The following ENPP6 variants were observed in gnomAD, a reference collection of about 807,000 sequenced individuals.
ENPP6 encodes ectonucleotide pyrophosphatase/phosphodiesterase 6.
ENPP6 carries 32 observed loss-of-function variants against 42.0 expected under a neutral mutation model. The ratio of observed to expected loss-of-function variants is 0.76; its 90% CI spans 0.58 to 1.02. The LOEUF is 1.02. Ranked by LOEUF, ENPP6 falls within the 50% of genes least tolerant of loss-of-function variation. The probability of loss-of-function intolerance (pLI) is 0.00; values close to 1 mark genes in which losing one functional copy is unlikely to be tolerated. For missense variants in ENPP6, 552 were observed against 566.8 expected (o/e 0.97, Z 0.27); for synonymous variants, 213 against 216.0 (o/e 0.99, Z 0.12).
chr4:184,118,025 G>A (rs1736354424), intron 3 of ENPP6, 125 bp from the exon 4 acceptor site: 2 of 1,209,620 alleles, frequency 1.7e-6, no homozygotes, highest in Admixed American at 5.4e-5. Flanking sequence ...GCCAGACAAA[G>A]CCAATACCCT....
intron 1 of ENPP6, among the ~76,000 whole-genome samples, chr4:184,207,243 C>G (rs931983133): frequency 6.6e-6 from 1 of 152,216 alleles, no homozygotes; most frequent in African/African-American, 2.4e-5. Context: ...CTGGCTTCCC[C>G]GCTACTCAGA....
Position 184,145,440 on chromosome 4 carries a change from G to C in ENPP6, c.421+8114C>G, listed in dbSNP as rs531281967. ...TGAGGCAGCGCTCAATTGATTTTAA[G>C]AAGTGGTCACAACACAGCTGCAAGG... On this transcript the variant is annotated intron_variant, in intron 2 of 7. Coordinates refer to ENST00000296741, the MANE Select transcript of ENPP6 (RefSeq NM_153343.4). Among the ~76,000 whole-genome samples the C allele has an allele frequency of 5.3e-5, 8 of 152,296 alleles. No individual in the cohort carries two copies. The South Asian group carries it at 1.7e-3, about 32-fold the overall frequency.
At chr4:184,135,582 G>T (rs1192566524) in intron 2 of ENPP6, among the ~76,000 whole-genome samples, 1 of 152,152 alleles carries the variant, frequency 6.6e-6, no homozygotes, top group Non-Finnish European at 1.5e-5. Flanking sequence ...TATATTTAAT[G>T]TATGTCTTTA....
At chr4:184,192,850 C>T (rs775624888) in intron 1 of ENPP6, among the ~76,000 whole-genome samples, 25 of 152,096 alleles carry the variant, frequency 1.6e-4, no homozygotes, top group Non-Finnish European at 3.2e-4. Context: ...AAAGAAAATG[C>T]TCAACATCAT....
chr4:184,135,752 C>T (rs891468632), intron 2 of ENPP6, among the ~76,000 whole-genome samples: 1 of 152,034 alleles, frequency 6.6e-6, no homozygotes, highest in African/African-American at 2.4e-5. Flanking sequence ...GTACTGAGTA[C>T]CCACGTCAGA....
chr4:184,162,538 A>G (rs1737277903), intron 1 of ENPP6, among the ~76,000 whole-genome samples: 1 of 117,584 alleles, frequency 8.5e-6, no homozygotes, highest in Admixed American at 9.5e-5. Context: ...AAGGAAAGGG[A>G]GGGAGGGAAG....
At chr4:184,095,369 C>T (rs559452535) in intron 7 of ENPP6, among the ~76,000 whole-genome samples, 16 of 152,006 alleles carry the variant, frequency 1.1e-4, no homozygotes, top group Non-Finnish European at 2.1e-4. Flanking sequence ...TAAAATATTC[C>T]TGAGACTCGG....
At chr4:184,163,452 A>G (rs1426823072) in intron 1 of ENPP6, among the ~76,000 whole-genome samples, 3 of 152,156 alleles carry the variant, frequency 2.0e-5, no homozygotes, top group African/African-American at 7.2e-5. Flanking sequence ...CACACTCTTC[A>G]CACTTCACTT....
At position 184,089,483 on chromosome 4, in the gene ENPP6, G is replaced by T. The variant is rs28402798; in HGVS notation, c.*1694C>A. ...AACTTTTTTTTTCTTTCTATTTTTT[G>T]GGGGGGGTGGAGGATGGGGTCTTGC... On this transcript the variant is annotated 3_prime_UTR_variant, in exon 8 of 8. Transcript: ENST00000296741. 0.14 allele frequency: 5,440 copies of T among 39,440 alleles called. 308 individuals carry two copies. The highest frequency in any genetic ancestry group is 0.27 in the African/African-American group (5,095 of 19,036). 2.4% of individuals were successfully genotyped at this position (39,440 alleles called of 1,614,324 possible). A position where few individuals can be genotyped will look rare whatever the true frequency, so the allele number is the denominator to read the frequency against.
At chr4:184,183,390 T>C (rs1561003967) in intron 1 of ENPP6, among the ~76,000 whole-genome samples, 2 of 152,212 alleles carry the variant, frequency 1.3e-5, no homozygotes, top group African/African-American at 2.4e-5. Flanking sequence ...CATTGACAGG[T>C]ATGTTAAGAA....
At chr4:184,215,384 A>T (rs1410560688) in intron 1 of ENPP6, among the ~76,000 whole-genome samples, 1 of 152,220 alleles carries the variant, frequency 6.6e-6, no homozygotes, top group Non-Finnish European at 1.5e-5. Context: ...CAATGGCTAT[A>T]TCCTTCTTTA....
intron 1 of ENPP6, among the ~76,000 whole-genome samples, chr4:184,156,186 G>T (rs548745020): frequency 6.6e-6 from 1 of 152,306 alleles, no homozygotes; most frequent in African/African-American, 2.4e-5. Context: ...ATGGGAGGGT[G>T]TGCTGTCCCC....
At chr4:184,180,372 C>T (rs558402784) in intron 1 of ENPP6, among the ~76,000 whole-genome samples, 27 of 152,126 alleles carry the variant, frequency 1.8e-4, no homozygotes, top group African/African-American at 6.5e-4. Flanking sequence ...AATAAATAAT[C>T]CACCAACCAA....
chr4:184,155,369 C>T (rs1029327448), intron 1 of ENPP6, among the ~76,000 whole-genome samples: 3 of 152,182 alleles, frequency 2.0e-5, no homozygotes, highest in African/African-American at 7.2e-5. Flanking sequence ...GGCAAAATAA[C>T]CATGATCATA....
At chr4:184,148,399 A>C (rs1736962556) in intron 2 of ENPP6, among the ~76,000 whole-genome samples, 1 of 152,256 alleles carries the variant, frequency 6.6e-6, no homozygotes, top group Non-Finnish European at 1.5e-5. Flanking sequence ...ACCATCCTGC[A>C]AAGGGAGATT....
intron 1 of ENPP6, among the ~76,000 whole-genome samples, chr4:184,213,589 A>G (rs1733151725): frequency 6.6e-6 from 1 of 150,796 alleles, no homozygotes; most frequent in Non-Finnish European, 1.5e-5. Flanking sequence ...CTCAGGAAAC[A>G]ACAGGTGCTG....
chr4:184,158,728 T>C (rs1424787489), intron 1 of ENPP6, among the ~76,000 whole-genome samples: 1 of 152,222 alleles, frequency 6.6e-6, no homozygotes, highest in East Asian at 1.9e-4. Flanking sequence ...CATCTTATCC[T>C]TTGTGCTTTC....
At chr4:184,134,131 G>GATTTATATATTTATTT (rs1553996332) in intron 2 of ENPP6, among the ~76,000 whole-genome samples, 4 of 147,188 alleles carry the variant, frequency 2.7e-5, no homozygotes, top group African/African-American at 5.0e-5. Flanking sequence ...TTATGGAAGT[G>GATTTATATATTTATTT]ATTTATTTAT....
chr4:184,100,305 C>T (rs2111331342), intron 6 of ENPP6, among the ~76,000 whole-genome samples: 1 of 152,258 alleles, frequency 6.6e-6, no homozygotes, highest in African/African-American at 2.4e-5. Flanking sequence ...TTGCTTTGTA[C>T]CTCACATTAT....
Sources: allele counts gnomAD v4.1 joint callset (sites outside exome capture counted in the v4.1 genomes callset), GRCh38; gene constraint gnomAD v4.1.1; transcripts MANE v1.5; gene names NCBI Gene and HGNC (gene_info 2026-07-23, HGNC 2026-07-21).